Variants in PPARGC1A observed in about 807,000 individuals in gnomAD.
PPARGC1A encodes peroxisome proliferator-activated receptor gamma coactivator 1-alpha.
A neutral mutation model predicts 88.7 loss-of-function variants in PPARGC1A; 25 were observed. The ratio of observed to expected loss-of-function variants is 0.28; its 90% confidence interval spans 0.21 to 0.39. The LOEUF (loss-of-function observed/expected upper bound fraction) is 0.39, where lower values mean the gene tolerates loss of function less well. Ranked by LOEUF, PPARGC1A falls within the 10% of genes least tolerant of loss-of-function variation. The pLI is 1.00. For missense variants in PPARGC1A, 880 were observed against 968.7 expected, an observed-to-expected ratio of 0.91 and a Z score of 1.22; for synonymous variants, 363 against 355.6, an observed-to-expected ratio of 1.02 and a Z score of -0.24.
At chr4:24,032,512 C>T in the PPARGC1A span, among the ~76,000 whole-genome samples, 1 of 152,158 alleles carries the variant, frequency 6.6e-6, no homozygotes, top group Admixed American at 6.5e-5. Context: ...CAGGACTGCT[C>T]CACCTTCTGG....
chr4:24,366,132 C>T, the PPARGC1A span, among the ~76,000 whole-genome samples: 5 of 152,130 alleles, frequency 3.3e-5, no homozygotes, highest in East Asian at 5.8e-4. Context: ...TTGAAATGCA[C>T]GCCATCAAAA....
intron 2 of PPARGC1A, among the ~76,000 whole-genome samples, chr4:23,842,523 T>A (rs1727232696): frequency 6.6e-6 from 1 of 152,080 alleles, no homozygotes; most frequent in Non-Finnish European, 1.5e-5. Context: ...TGAATCAAAA[T>A]CTCTAGATAT....
the PPARGC1A span, among the ~76,000 whole-genome samples, chr4:24,103,823 T>C: frequency 2.6e-5 from 4 of 152,124 alleles, no homozygotes; most frequent in Non-Finnish European, 5.9e-5. Flanking sequence ...TTAACATAAA[T>C]AAACTCCCAC....
chr4:24,126,633 C>A, the PPARGC1A span, among the ~76,000 whole-genome samples: 1 of 152,258 alleles, frequency 6.6e-6, no homozygotes, highest in African/African-American at 2.4e-5. Context: ...GACATAATGG[C>A]AGGATGCCCC....
chr4:24,318,684 T>G, the PPARGC1A span, among the ~76,000 whole-genome samples: 2 of 152,248 alleles, frequency 1.3e-5, no homozygotes, highest in Non-Finnish European at 2.9e-5. Context: ...ATCAGCCTTA[T>G]GTCCTTTCTT....
the PPARGC1A span, among the ~76,000 whole-genome samples, chr4:24,057,532 A>T: frequency 6.6e-6 from 1 of 152,212 alleles, no homozygotes; most frequent in East Asian, 1.9e-4. Context: ...AAATGAAACA[A>T]AAAGTATTTA....
At chr4:23,934,868 C>T in the PPARGC1A span, among the ~76,000 whole-genome samples, 254 of 152,202 alleles carry the variant, frequency 1.7e-3, 1 homozygote, top group African/African-American at 5.7e-3. Flanking sequence ...TTTAGTTAAA[C>T]AAAAAACAAT....
the PPARGC1A span, among the ~76,000 whole-genome samples, chr4:24,000,994 G>T: frequency 6.6e-6 from 1 of 152,062 alleles, no homozygotes; most frequent in Non-Finnish European, 1.5e-5. Context: ...GAGTACTATA[G>T]AAAGGTTACT....
chr4:24,012,459 C>A, the PPARGC1A span, among the ~76,000 whole-genome samples: 1 of 152,132 alleles, frequency 6.6e-6, no homozygotes, highest in Non-Finnish European at 1.5e-5. Flanking sequence ...CCTGGCCTAT[C>A]CTATGACAAC....
the PPARGC1A span, among the ~76,000 whole-genome samples, chr4:24,355,549 GA>G: frequency 6.6e-6 from 1 of 151,964 alleles, no homozygotes; most frequent in Non-Finnish European, 1.5e-5. Flanking sequence ...CTGTCACTGT[GA>G]AAAAAATGAG....
At chr4:24,126,028 C>G in the PPARGC1A span, among the ~76,000 whole-genome samples, 1 of 152,104 alleles carries the variant, frequency 6.6e-6, no homozygotes, top group South Asian at 2.1e-4. Flanking sequence ...TTGATGTAGT[C>G]ATCATTATTT....
the PPARGC1A span, among the ~76,000 whole-genome samples, chr4:24,159,401 G>A: frequency 1.3e-5 from 2 of 151,838 alleles, no homozygotes; most frequent in Admixed American, 1.3e-4. Context: ...ATTACAGACA[G>A]GGTTTCACCA....
chr4:24,470,739 C>G, the PPARGC1A span, among the ~76,000 whole-genome samples: 1 of 151,220 alleles, frequency 6.6e-6, no homozygotes, highest in Non-Finnish European at 1.5e-5. This position sits in a 1 kb window ranked among gnomAD's most constrained non-coding sequence, Gnocchi z 5.8. Flanking sequence ...GCCCGACGGT[C>G]TGCCCAGAGC....
At chr4:24,032,297 G>A in the PPARGC1A span, among the ~76,000 whole-genome samples, 1,971 of 152,200 alleles carry the variant, frequency 0.013, 50 homozygotes, top group African/African-American at 0.046. Context: ...GTGTGCCAAG[G>A]CTGAGAACCT....
chr4:24,130,197 A>G, the PPARGC1A span, among the ~76,000 whole-genome samples: 1 of 152,212 alleles, frequency 6.6e-6, no homozygotes, highest in African/African-American at 2.4e-5. Flanking sequence ...AGAGCTTGCA[A>G]TGCTCAGGGG....
At chr4:23,903,537 A>C (rs948331194), upstream of PPARGC1A, among the ~76,000 whole-genome samples, 8 of 152,198 alleles carry the variant, frequency 5.3e-5, no homozygotes, top group African/African-American at 1.9e-4. Context: ...AGCCAGCAGG[A>C]TAGTTTAAGT....
chr4:24,195,402 C>A, the PPARGC1A span, among the ~76,000 whole-genome samples: 2 of 152,320 alleles, frequency 1.3e-5, no homozygotes, highest in Admixed American at 6.5e-5. Flanking sequence ...GCCAGAAGTT[C>A]TCACTGCAAA....
At chr4:24,107,447 A>T in the PPARGC1A span, among the ~76,000 whole-genome samples, 1 of 152,212 alleles carries the variant, frequency 6.6e-6, no homozygotes, top group Non-Finnish European at 1.5e-5. Flanking sequence ...GGCAGTGGGT[A>T]TGTCAGTTTC....
the PPARGC1A span, among the ~76,000 whole-genome samples, chr4:24,300,544 C>T: frequency 4.0e-5 from 6 of 151,810 alleles, no homozygotes; most frequent in South Asian, 1.2e-3. Context: ...AACTTTTTCA[C>T]CTTTGGCAGT....
Sources: allele counts gnomAD v4.1 joint callset (sites outside exome capture counted in the v4.1 genomes callset), GRCh38; gene constraint gnomAD v4.1.1; non-coding constraint Gnocchi (gnomAD v3.1); transcripts MANE v1.5; gene names NCBI Gene and HGNC (gene_info 2026-07-23, HGNC 2026-07-21).